ZNF821: variants seen among roughly 807,000 people sequenced by gnomAD.
ZNF821 encodes the protein zinc finger protein 821.
ZNF821 carries 16 observed loss-of-function variants against 44.3 expected under a neutral mutation model. The observed-to-expected ratio is 0.36, with a 90% CI of 0.24 to 0.55. ZNF821 has a LOEUF of 0.55. Ranked by LOEUF, ZNF821 falls within the 20% of genes least tolerant of loss-of-function variation. ZNF821 has a pLI of 0.86. For missense variants in ZNF821, 436 were observed against 547.6 expected (o/e 0.80, Z 2.03); for synonymous variants, 204 against 197.6 (o/e 1.03, Z -0.27).
rs1362404150 is a variant in ZNF821 at position 71,864,249 on chromosome 16, T to C, written c.313-7A>G. On this transcript the variant is annotated splice_region_variant and splice_polypyrimidine_tract_variant and intron_variant, in intron 5 of 7. Transcript: ENST00000425432. ...AATTCAAATTCCCTGTGACCTGTGA[T>C]TCAACAAATAGGCAACTCATTAGGA... 6 of 1,613,236 alleles carry C rather than the reference T, an allele frequency of 3.7e-6. No homozygotes were observed. The highest frequency in any genetic ancestry group is 4.2e-6 in the Non-Finnish European group (5 of 1,179,266).
intron 3 of ZNF821, among the ~76,000 whole-genome samples, chr16:71,872,473 C>A (rs903200458): frequency 1.3e-5 from 2 of 151,936 alleles, no homozygotes; most frequent in African/African-American, 4.8e-5. Context: ...CATTAGCCGG[C>A]GTGGTGGCAG....
Position 71,865,032 on chromosome 16 carries a change from A to G in ZNF821, c.183T>C (p.Asp61=). Residue 61 remains aspartate (D), a synonymous_variant, in exon 5 of 8, where the codon GAT becomes GAC. Transcript: ENST00000425432. ...QDSSSSDSEG[D]EEETTQDEVS... ...CTTCATCTTGTGTCGTCTCCTCTTC[A>G]TCACCCTCACTGTCACCTGGAACAC... The G allele has an allele frequency of 6.2e-7, 1 of 1,614,126 alleles. No individual in the cohort carries two copies. The highest frequency in any genetic ancestry group is 8.5e-7 in the Non-Finnish European group (1 of 1,180,018).
chr16:71,869,726 C>T (rs953862433), intron 3 of ZNF821, among the ~76,000 whole-genome samples: 2 of 152,122 alleles, frequency 1.3e-5, no homozygotes, highest in African/African-American at 4.8e-5. Context: ...CAGTCTCAAC[C>T]TCGCAGTCTC....
At chr16:71,876,183 T>TG (rs1211073405) in intron 3 of ZNF821, among the ~76,000 whole-genome samples, 1 of 152,190 alleles carries the variant, frequency 6.6e-6, no homozygotes, top group African/African-American at 2.4e-5. Context: ...GATGCCTTCT[T>TG]GGGGTCACAC....
At chr16:71,869,355 T>G (rs1463882085) in intron 3 of ZNF821, among the ~76,000 whole-genome samples, 1 of 152,184 alleles carries the variant, frequency 6.6e-6, no homozygotes, top group African/African-American at 2.4e-5. Context: ...CTCCTAGACC[T>G]TGGGCAGTGA....
intron 2 of ZNF821, 112 bp downstream of exon 2, chr16:71,883,097 CTG>C (rs1491453464): frequency 4.4e-6 from 2 of 456,280 alleles, no homozygotes. Flanking sequence ...CCCCTGAACA[CTG>C]TCTCTGCTCT....
At chr16:71,886,347 C>T (rs12921168), upstream of ZNF821, among the ~76,000 whole-genome samples, 1,922 of 152,252 alleles carry the variant, frequency 0.013, 14 homozygotes, top group Non-Finnish European at 0.02. Flanking sequence ...CCAGCTTGGG[C>T]CACATAGTGA....
chr16:71,873,923 G>C (rs1487024000), intron 3 of ZNF821, among the ~76,000 whole-genome samples: 2 of 149,874 alleles, frequency 1.3e-5, no homozygotes, highest in African/African-American at 4.9e-5. Flanking sequence ...AAAGTGCTGA[G>C]ATTACAGGTG....
chr16:71,860,438 C>T lies in ZNF821; in HGVS notation c.819G>A (p.Arg273=). The T allele has an allele frequency of 6.2e-7, 1 of 1,613,736 alleles. No individual in the cohort carries two copies. The highest frequency in any genetic ancestry group is 1.1e-5 in the South Asian group (1 of 91,086). The part of the protein sequence containing the change: ...QNEPLEVRLQ[R]LERERTAKKS... Reference sequence around the variant, plus strand: ...TCTTGGCCGTGCGCTCTCGTTCCAGCCGCTGCAGCCGTACTTCCAAAGGCT... The same window carrying T: ...TCTTGGCCGTGCGCTCTCGTTCCAGTCGCTGCAGCCGTACTTCCAAAGGCT... The change falls in exon 8 of 8, where the codon CGG becomes CGA. Residue 273 remains arginine, a synonymous_variant. Transcript: ENST00000425432. This position sits in a 1 kb window ranked among gnomAD's most constrained non-coding sequence, Gnocchi z 7.3.
In ZNF821 at chr16:71,861,946, T is replaced by TAA; in HGVS notation, c.418-6_418-5dup. The stretch of plus-strand genomic sequence containing the variant: ...CGCTCACCACTGCTGCAGTGTGCTG[T>TAA]AAAACAGAGCCTTGATCTGTCAGTC... On this transcript the variant is annotated splice_region_variant and splice_polypyrimidine_tract_variant and intron_variant, in intron 6 of 7. Coordinates refer to ENST00000425432, the MANE Select transcript of ZNF821 (RefSeq NM_001201552.2). 1 of 1,613,862 alleles carries TAA rather than the reference T, an allele frequency of 6.2e-7. No individual in the cohort carries two copies. Among genetic ancestry groups the TAA allele is most frequent in the Non-Finnish European group, 8.5e-7 (1 of 1,179,752 alleles).
upstream of ZNF821, among the ~76,000 whole-genome samples, chr16:71,885,761 G>C (rs2036829283): frequency 6.6e-6 from 1 of 152,150 alleles, no homozygotes; most frequent in Non-Finnish European, 1.5e-5. Flanking sequence ...TATTTATTGT[G>C]ATTAGGATAC....
Position 71,883,938 on chromosome 16 carries a change from G to C in ZNF821, c.-171C>G, listed in dbSNP as rs956445689. On this transcript the variant is annotated 5_prime_UTR_variant, in exon 1 of 8. Coordinates refer to ENST00000425432, the MANE Select transcript of ZNF821 (RefSeq NM_001201552.2). Reference sequence around the variant, plus strand: ...GCCTCGGCGCTGCGCTGCGCTCTGGGTCCCTGGGCCCCGCCTCCGGACAGA... The same window carrying C: ...GCCTCGGCGCTGCGCTGCGCTCTGGCTCCCTGGGCCCCGCCTCCGGACAGA... 1.3e-5 allele frequency: 2 copies of C among 152,226 alleles called. No individual in the cohort carries two copies. The highest frequency in any genetic ancestry group is 6.5e-5 in the Admixed American group (1 of 15,280). 9.4% of individuals were successfully genotyped at this position (152,226 alleles called of 1,614,324 possible).
In ZNF821 at chr16:71,895,213, G is replaced by C. The variant is rs114801282; in HGVS notation, n.124C>G. ...AATCCGGAACCAAGGCACTGGGCGC[G>C]GTGAGGCCGTGGGCGCAGAGTCCGA... On this transcript the variant is annotated non_coding_transcript_exon_variant, in exon 1 of 3. Transcript: ENST00000561700. 628 of 181,210 alleles carry C rather than the reference G, an allele frequency of 3.5e-3. 3 individuals are homozygous for C. Among genetic ancestry groups the C allele is most frequent in the African/African-American group, 0.014 (606 of 42,202 alleles). 11.2% of individuals were successfully genotyped at this position (181,210 alleles called of 1,614,324 possible).
intron 3 of ZNF821, among the ~76,000 whole-genome samples, chr16:71,873,956 A>AT (rs138380961): frequency 0.35 from 42,677 of 123,258 alleles, 8,443 homozygotes; most frequent in East Asian, 0.66. Flanking sequence ...CCCGGCTGGA[A>AT]TTTTTTTTTT....
intron 4 of ZNF821, 60 bp from the exon 5 acceptor site, chr16:71,865,108 C>A: frequency 6.2e-7 from 1 of 1,604,124 alleles, no homozygotes; most frequent in South Asian, 1.1e-5. Flanking sequence ...CTGAGCTGCT[C>A]TCCACCCTAG....
At chr16:71,873,194 C>T (rs1242453477) in intron 3 of ZNF821, among the ~76,000 whole-genome samples, 3 of 151,976 alleles carry the variant, frequency 2.0e-5, no homozygotes, top group East Asian at 1.9e-4. Flanking sequence ...TGGTGATGAA[C>T]GCAAGTAATC....
At chr16:71,891,171 T>C (rs2036883392) in intron 1 of ZNF821, among the ~76,000 whole-genome samples, 1 of 152,184 alleles carries the variant, frequency 6.6e-6, no homozygotes, top group Admixed American at 6.5e-5. Context: ...GCAGGCCTGT[T>C]ATAGATTCTT....
Position 71,861,959 on chromosome 16 carries a change from T to C in ZNF821, c.418-17A>G. 3 of 1,612,540 alleles carry C rather than the reference T, an allele frequency of 1.9e-6. No homozygotes were observed. Among genetic ancestry groups the C allele is most frequent in the East Asian group, 4.5e-5 (2 of 44,840 alleles). On this transcript the variant is annotated splice_polypyrimidine_tract_variant and intron_variant, in intron 6 of 7. Coordinates refer to ENST00000425432, the MANE Select transcript of ZNF821 (RefSeq NM_001201552.2). ...TGCAGTGTGCTGTAAAACAGAGCCT[T>C]GATCTGTCAGTCTTGCGCTACCTCC...
chr16:71,872,482 A>G (rs760217949), intron 3 of ZNF821, among the ~76,000 whole-genome samples: 7 of 152,060 alleles, frequency 4.6e-5, no homozygotes, highest in Non-Finnish European at 7.4e-5. Flanking sequence ...GCGTGGTGGC[A>G]GGCGCCTGTA....
Sources: gnomAD v4.1 joint callset for allele counts (sites outside exome capture counted in the v4.1 genomes callset) on GRCh38, gnomAD v4.1.1 for gene constraint, Gnocchi (gnomAD v3.1) non-coding constraint, MANE v1.5 for transcripts, NCBI Gene and HGNC (gene_info 2026-07-23, HGNC 2026-07-21) for gene names.